The following TRHR variants were observed in gnomAD, a reference collection of about 807,000 sequenced individuals.
The protein encoded by TRHR is thyrotropin-releasing hormone receptor.
Under a neutral mutation model 28.0 loss-of-function variants are expected in TRHR, and 14 were observed. That is an observed-to-expected ratio of 0.50 (90% confidence interval 0.33 to 0.78). The LOEUF (loss-of-function observed/expected upper bound fraction) is 0.78, where lower values mean the gene tolerates loss of function less well. TRHR is among the 30% of genes least tolerant of loss of function. The pLI is 0.02. For synonymous variants in TRHR, 176 were observed against 171.9 expected, an observed-to-expected ratio of 1.02 and a Z score of -0.18; for missense variants, 438 against 469.5, an observed-to-expected ratio of 0.93 and a Z score of 0.62.
chr8:109,108,464 A>G (rs1811784204), intron 2 of TRHR, among the ~76,000 whole-genome samples: 1 of 152,172 alleles, frequency 6.6e-6, no homozygotes, highest in African/African-American at 2.4e-5. Context: ...TCTTCAGAGA[A>G]GTGTTACAGC....
intron 2 of TRHR, among the ~76,000 whole-genome samples, chr8:109,092,546 T>C (rs1586184979): frequency 6.6e-6 from 1 of 151,958 alleles, no homozygotes; most frequent in South Asian, 2.1e-4. Context: ...TAGAGATTCT[T>C]CTGCCTCAGC....
chr8:109,118,132 T>A (rs1218555558), intron 2 of TRHR, among the ~76,000 whole-genome samples: 5 of 151,892 alleles, frequency 3.3e-5, no homozygotes, highest in African/African-American at 1.2e-4. Flanking sequence ...GAATTCAAGC[T>A]CACTTGGACA....
intron 2 of TRHR, among the ~76,000 whole-genome samples, chr8:109,108,982 A>G (rs1290208772): frequency 6.6e-6 from 1 of 152,134 alleles, no homozygotes; most frequent in African/African-American, 2.4e-5. Context: ...TCTAATCCTC[A>G]AGTCTAGATG....
At chr8:109,108,465 G>C (rs1811784229) in intron 2 of TRHR, among the ~76,000 whole-genome samples, 1 of 152,134 alleles carries the variant, frequency 6.6e-6, no homozygotes, top group East Asian at 1.9e-4. Flanking sequence ...CTTCAGAGAA[G>C]TGTTACAGCT....
At chr8:109,090,682 A>G (rs1811504821) in intron 2 of TRHR, among the ~76,000 whole-genome samples, 1 of 152,186 alleles carries the variant, frequency 6.6e-6, no homozygotes, top group East Asian at 1.9e-4. Flanking sequence ...GTCTTTATGG[A>G]AGAGGTGGCA....
rs1811459017 is a variant in TRHR, at chr8:109,087,758, C to A, written c.246C>A (p.Asn82Lys). 1 of 1,614,152 alleles carries A rather than the reference C, an allele frequency of 6.2e-7. No individual in the cohort carries two copies. Among genetic ancestry groups the A allele is most frequent in the Non-Finnish European group, 8.5e-7 (1 of 1,180,044 alleles). Residue 82 changes from asparagine (N) to lysine (K), a missense_variant, in exon 2 of 3, where the codon AAC (asparagine) becomes AAA (lysine). Transcript: ENST00000518632. ...LMVLVAAGLP[N>K]ITDSIYGSWV... ...TCTTGGTGGCCGCAGGCCTCCCCAA[C>A]ATAACAGACAGTATCTACGGTTCCT...
chr8:109,118,212 T>C lies in TRHR; in HGVS notation c.790-836T>C, dbSNP rs552590346. ...ACAGCCTCTGTACCTGTTTTCTAAT[T>C]TGAAAAAGTAGTGGGTACAATACCT... On this transcript the variant is annotated intron_variant, in intron 2 of 2. Coordinates refer to ENST00000518632, the MANE Select transcript of TRHR (RefSeq NM_003301.7). Among the ~76,000 whole-genome samples the C allele has an allele frequency of 1.2e-3, 182 of 152,004 alleles. 3 individuals carry two copies. The South Asian group carries it at 0.035, about 29-fold the overall frequency.
At chr8:109,107,162 T>G (rs1811763172) in intron 2 of TRHR, among the ~76,000 whole-genome samples, 1 of 152,200 alleles carries the variant, frequency 6.6e-6, no homozygotes, top group Non-Finnish European at 1.5e-5. Context: ...CCCGGTTCTG[T>G]GTTTAAAATA....
chr8:109,110,176 A>G (rs1463165281), intron 2 of TRHR, among the ~76,000 whole-genome samples: 1 of 152,168 alleles, frequency 6.6e-6, no homozygotes, highest in East Asian at 1.9e-4. Context: ...TGTGAATAAA[A>G]AACTTTTTTT....
At position 109,098,380 on chromosome 8, in the gene TRHR, C is replaced by A. The variant is rs78736179; in HGVS notation, c.789+10079C>A. Among the ~76,000 whole-genome samples the A allele has an allele frequency of 4.6e-3, 696 of 152,096 alleles. 5 individuals are homozygous for A. The highest frequency in any genetic ancestry group is 0.024 in the Middle Eastern group (7 of 294). On this transcript the variant is annotated intron_variant, in intron 2 of 2. Transcript: ENST00000518632. Reference sequence around the variant, plus strand: ...CTCCTGGGCTCAAGGGATCCTCCTACCTTGCCCTCCCAAAATGCTAGGATT... The same window carrying A: ...CTCCTGGGCTCAAGGGATCCTCCTAACTTGCCCTCCCAAAATGCTAGGATT...
chr8:109,094,356 A>G (rs1371233463), intron 2 of TRHR, among the ~76,000 whole-genome samples: 1 of 151,998 alleles, frequency 6.6e-6, no homozygotes, highest in African/African-American at 2.4e-5. Flanking sequence ...AGTTCAAGAA[A>G]TCATCCTGCT....
intron 2 of TRHR, among the ~76,000 whole-genome samples, chr8:109,101,186 G>A (rs1327943837): frequency 6.6e-6 from 1 of 152,170 alleles, no homozygotes; most frequent in Non-Finnish European, 1.5e-5. Context: ...GGAACAATAT[G>A]GGCAAGATAC....
chr8:109,098,212 C>G (rs1811624202), intron 2 of TRHR, among the ~76,000 whole-genome samples: 1 of 151,934 alleles, frequency 6.6e-6, no homozygotes. Context: ...TCACCGCAGC[C>G]TCAACTTCCT....
In TRHR at chr8:109,087,737, G is replaced by T. The variant is rs1311047559; in HGVS notation, c.225G>T (p.Leu75Phe). 3.7e-6 allele frequency: 6 copies of T among 1,614,012 alleles called. No individual in the cohort carries two copies. ...VSLAVADLMV[L>F]VAAGLPNITD... ...TGGCAGTAGCTGATCTCATGGTCTT[G>T]GTGGCCGCAGGCCTCCCCAACATAA... Residue 75 changes from leucine to phenylalanine, a missense_variant, in exon 2 of 3, where the codon TTG becomes TTT. Leu to Phe is a conservative substitution (Grantham distance 22). Coordinates refer to ENST00000518632, the MANE Select transcript of TRHR (RefSeq NM_003301.7).
At chr8:109,106,813 T>C (rs528161151) in intron 2 of TRHR, among the ~76,000 whole-genome samples, 8 of 152,196 alleles carry the variant, frequency 5.3e-5, no homozygotes, top group Non-Finnish European at 1.2e-4. Context: ...GTTTATTCAT[T>C]CATTTCCTGA....
At chr8:109,110,547 T>C (rs1811815358) in intron 2 of TRHR, among the ~76,000 whole-genome samples, 2 of 152,138 alleles carry the variant, frequency 1.3e-5, no homozygotes, top group African/African-American at 4.8e-5. Flanking sequence ...AAACACTCCA[T>C]AATGCTTGCC....
chr8:109,117,876 A>G (rs1811943081), intron 2 of TRHR, among the ~76,000 whole-genome samples: 1 of 151,954 alleles, frequency 6.6e-6, no homozygotes, highest in African/African-American at 2.4e-5. Flanking sequence ...GTGAAATCAC[A>G]TATTCTCACT....
In TRHR at chr8:109,119,760, TA is replaced by T. The variant is rs1327391923; in HGVS notation, c.*309del. On this transcript the variant is annotated 3_prime_UTR_variant, in exon 3 of 3. Transcript: ENST00000518632. ...ATTTTCTGGACTTATAGAGTTTCAA[TA>T]AAATCTAGACATCAATTTACATTAT... Among the ~76,000 whole-genome samples the T allele has an allele frequency of 6.6e-6, 1 of 151,942 alleles. No individual in the cohort carries two copies. Among genetic ancestry groups the T allele is most frequent in the Non-Finnish European group, 1.5e-5 (1 of 67,908 alleles).
In TRHR at chr8:109,087,751, T is replaced by C; in HGVS notation, c.239T>C (p.Leu80Pro). The change falls in exon 2 of 3, where the codon CTC (leucine) becomes CCC (proline). Residue 80 changes from leucine to proline, a missense_variant. Coordinates refer to ENST00000518632, the MANE Select transcript of TRHR (RefSeq NM_003301.7). ...CTCATGGTCTTGGTGGCCGCAGGCC[T>C]CCCCAACATAACAGACAGTATCTAC... ...ADLMVLVAAG[L>P]PNITDSIYGS... The C allele has an allele frequency of 6.2e-7, 1 of 1,614,136 alleles. No homozygotes were observed. The highest frequency in any genetic ancestry group is 1.3e-5 in the African/African-American group (1 of 75,046).
Sources: allele counts gnomAD v4.1 joint callset (sites outside exome capture counted in the v4.1 genomes callset), GRCh38; gene constraint gnomAD v4.1.1; transcripts MANE v1.5; gene names NCBI Gene and HGNC (gene_info 2026-07-23, HGNC 2026-07-21).